The following MAN1B1 variants were observed in gnomAD, a reference collection of about 807,000 sequenced individuals.
The protein encoded by MAN1B1 is mannosidase alpha class 1B member 1.
In MAN1B1, 66 loss-of-function variants were observed where a neutral mutation model predicts 75.5. The ratio of observed to expected loss-of-function variants is 0.87; its 90% CI spans 0.72 to 1.07. MAN1B1 has a LOEUF of 1.07. Among genes scored for constraint, MAN1B1 ranks in the 50% least tolerant of loss-of-function variants. MAN1B1 has a pLI of 0.00. For missense variants in MAN1B1, 973 were observed against 912.5 expected, an observed-to-expected ratio of 1.07 and a Z score of -0.85; for synonymous variants, 453 against 382.8, an observed-to-expected ratio of 1.18 and a Z score of -2.14.
chr9:137,106,246 G>A lies in MAN1B1; in HGVS notation c.1376G>A (p.Gly459Asp). 1.3e-6 allele frequency: 2 copies of A among 1,592,228 alleles called. No individual in the cohort carries two copies. Among genetic ancestry groups the A allele is most frequent in the Non-Finnish European group, 1.7e-6 (2 of 1,169,714 alleles). Residue 459 changes from glycine to aspartate, a missense_variant, in exon 9 of 13, where the codon GGC becomes GAC. Coordinates refer to ENST00000371589, the MANE Select transcript of MAN1B1 (RefSeq NM_016219.5). ...LFTHLGVFTL[G>D]ARADSYYEYL... is the part of the protein sequence containing the mutation. ...ACCCACCTGGGCGTATTCACGCTGG[G>A]CGCCAGGGCCGACAGCTACTATGAG...
chr9:137,088,240 A>G, intron 2 of MAN1B1, 57 bp downstream of exon 2: 1 of 1,613,906 alleles, frequency 6.2e-7, no homozygotes, highest in Non-Finnish European at 8.5e-7. Context: ...GATTGGGCAG[A>G]AGCAATCTTG....
At chr9:137,093,539 T>C (rs1830572425) in intron 3 of MAN1B1, among the ~76,000 whole-genome samples, 1 of 152,082 alleles carries the variant, frequency 6.6e-6, no homozygotes, top group Non-Finnish European at 1.5e-5. Context: ...ATTTTATTCT[T>C]CTGCTGTGAA....
At chr9:137,088,796 G>A (rs1830445964) in intron 2 of MAN1B1, 73 bp from the exon 3 acceptor site, 2 of 1,537,694 alleles carry the variant, frequency 1.3e-6, no homozygotes, top group South Asian at 2.2e-5. Context: ...CCTGCCAAGT[G>A]TTTTTATAAA....
intron 10 of MAN1B1, 27 bp downstream of exon 10, chr9:137,106,836 C>T (rs778579273): frequency 1.2e-6 from 2 of 1,610,666 alleles, no homozygotes; most frequent in Admixed American, 1.7e-5. Flanking sequence ...GGCCTTCCGG[C>T]CGCCGCCCCT....
chr9:137,095,226 C>T (rs970914774), intron 3 of MAN1B1, among the ~76,000 whole-genome samples: 3 of 151,512 alleles, frequency 2.0e-5, no homozygotes, highest in South Asian at 2.1e-4. Flanking sequence ...GCTAATTGTT[C>T]GTAATTTTAG....
Position 137,107,700 on chromosome 9 carries a change from C to T in MAN1B1, c.1896+38C>T, listed in dbSNP as rs571571919. 2.4e-5 allele frequency: 39 copies of T among 1,610,436 alleles called. No homozygotes were observed. In the Admixed American group the frequency reaches 3.3e-4, roughly 14 times the overall value. ...CCTCGCCCCGCGTGGTCACGGCCAC[C>T]GGGCCACAGGCACGGCTGGGCTGTG... On this transcript the variant is annotated intron_variant, in intron 12 of 12. Coordinates refer to ENST00000371589, the MANE Select transcript of MAN1B1 (RefSeq NM_016219.5).
chr9:137,103,461 G>T (rs865808496), intron 8 of MAN1B1: 40 of 412,092 alleles, frequency 9.7e-5, no homozygotes, highest in South Asian at 4.8e-4. Context: ...TACACACAAC[G>T]CTGTTGCAGG....
At chr9:137,108,274 C>A in intron 12 of MAN1B1, 114 bp from the exon 13 acceptor site, 3 of 974,116 alleles carry the variant, frequency 3.1e-6, no homozygotes, top group Non-Finnish European at 3.2e-6. Context: ...GCCCTCCACC[C>A]TGAGCTTGCG....
chr9:137,104,065 C>T (rs1475108006), intron 8 of MAN1B1: 1 of 440,858 alleles, frequency 2.3e-6, no homozygotes, highest in Non-Finnish European at 4.6e-6. Flanking sequence ...TGTTGTGCAG[C>T]TATCACTTCC....
intron 12 of MAN1B1, 195 bp downstream of exon 12, chr9:137,107,857 T>C (rs1588655028): frequency 2.8e-6 from 2 of 725,850 alleles, no homozygotes; most frequent in South Asian, 1.7e-5. Context: ...AGCTTCATGG[T>C]TGTGGGACCC....
At chr9:137,091,521 A>ATTTTTTTTTTTTTTTTTT (rs964752016) in intron 3 of MAN1B1, among the ~76,000 whole-genome samples, 9 of 89,922 alleles carry the variant, frequency 1.0e-4, no homozygotes, top group South Asian at 4.6e-4. Context: ...TTTGTTTTAT[A>ATTTTTTTTTTTTTTTTTT]TTTTTTTTTT....
intron 8 of MAN1B1, chr9:137,103,329 GTGT>G (rs1379324571): frequency 6.5e-5 from 29 of 444,490 alleles, no homozygotes; most frequent in South Asian, 2.4e-4. Context: ...CAGGTCGGTG[GTGT>G]TACACATTTT....
chr9:137,097,259 G>A (rs960285828), intron 4 of MAN1B1, among the ~76,000 whole-genome samples: 1 of 152,252 alleles, frequency 6.6e-6, no homozygotes, highest in Admixed American at 6.5e-5. Flanking sequence ...ATCTGTGGTT[G>A]TAAGAGGCCT....
In MAN1B1 at chr9:137,106,265, C is replaced by T. The variant is rs1310010767; in HGVS notation, c.1395C>T (p.Tyr465=). 6.4e-7 allele frequency: 1 copy of T among 1,570,450 alleles called. No homozygotes were observed. Among genetic ancestry groups the T allele is most frequent in the African/African-American group, 1.3e-5 (1 of 74,352 alleles). ...CGCTGGGCGCCAGGGCCGACAGCTA[C>T]TATGAGTACCTGCTGAAGCAGTGGA... ...VFTLGARADS[Y]YEYLLKQWIQ... Residue 465 remains tyrosine (Y), a synonymous_variant, in exon 9 of 13, where the codon TAC becomes TAT. Transcript: ENST00000371589.
At chr9:137,102,308 G>A (rs36142938) in intron 8 of MAN1B1, 3,294 of 324,950 alleles carry the variant, frequency 0.01, 118 homozygotes, top group Middle Eastern at 0.027. Context: ...CGTGCAGGTC[G>A]GTGGTGTTAC....
intron 12 of MAN1B1, 21 bp from the exon 13 acceptor site, chr9:137,108,367 G>T: frequency 6.2e-7 from 1 of 1,610,120 alleles, no homozygotes; most frequent in South Asian, 1.1e-5. Context: ...GTGTGGTGAC[G>T]AGGCCCTGGC....
chr9:137,090,125 C>T (rs1038660908), intron 3 of MAN1B1, among the ~76,000 whole-genome samples: 2 of 152,106 alleles, frequency 1.3e-5, no homozygotes, highest in African/African-American at 2.4e-5. Context: ...ACCAGGAAAA[C>T]GTCCTGTCAG....
At chr9:137,103,722 T>G (rs1830986662) in intron 8 of MAN1B1, 1 of 431,478 alleles carries the variant, frequency 2.3e-6, no homozygotes. Flanking sequence ...AGGTCCGTGG[T>G]GTTACACACA....
At chr9:137,100,234 C>G (rs1171445933) in intron 6 of MAN1B1, among the ~76,000 whole-genome samples, 1 of 152,230 alleles carries the variant, frequency 6.6e-6, no homozygotes, top group Non-Finnish European at 1.5e-5. Flanking sequence ...CTTCATAGAC[C>G]AGCACATCCA....
Sources: gnomAD v4.1 joint callset for allele counts (sites outside exome capture counted in the v4.1 genomes callset) on GRCh38, gnomAD v4.1.1 for gene constraint, MANE v1.5 for transcripts, NCBI Gene and HGNC (gene_info 2026-07-23, HGNC 2026-07-21) for gene names.